ALDH1A1: variants seen among roughly 807,000 people sequenced by gnomAD.
ALDH1A1 encodes the protein aldehyde dehydrogenase 1A1.
Under a neutral mutation model 62.1 loss-of-function variants are expected in ALDH1A1, and 19 were observed. The ratio of observed to expected loss-of-function variants is 0.31; its 90% confidence interval spans 0.21 to 0.45. The LOEUF is 0.45. ALDH1A1 is among the 20% of genes least tolerant of loss of function. ALDH1A1 has a pLI of 1.00. For synonymous variants in ALDH1A1, 231 were observed against 215.9 expected (o/e 1.07, Z -0.61); for missense variants, 521 against 607.1 (o/e 0.86, Z 1.49).
chr9:72,949,391 T>C (rs1830510994), intron 1 of ALDH1A1, among the ~76,000 whole-genome samples: 1 of 151,566 alleles, frequency 6.6e-6, no homozygotes, highest in Admixed American at 6.6e-5. Flanking sequence ...TGTCCCAGAG[T>C]AGTGGAATTG....
chr9:72,912,150 A>G, intron 9 of ALDH1A1, 28 bp from the exon 10 acceptor site: 1 of 1,592,308 alleles, frequency 6.3e-7, no homozygotes, highest in East Asian at 2.2e-5. Flanking sequence ...CATGAAAAGA[A>G]AAAAAGTAGT....
chr9:72,934,482 C>T (rs1830322980), intron 2 of ALDH1A1, among the ~76,000 whole-genome samples: 1 of 152,150 alleles, frequency 6.6e-6, no homozygotes, highest in Non-Finnish European at 1.5e-5. Flanking sequence ...GTTTTCAAGG[C>T]CCAGGATTTT....
At position 72,912,051 on chromosome 9, in the gene ALDH1A1, TTC is replaced by T; in HGVS notation, c.1105_1106del (p.Glu369MetfsTer9). ...ESGKKEGAKL[E>X]CGGGPWGNKG... ...TATTCCCCCACGGGCCTCCTCCACA[TTC>T]CAGTTTGGCCCCTTCTTTCTTCCCA... On this transcript the variant is annotated frameshift_variant, in exon 10 of 13. Coordinates refer to ENST00000297785, the MANE Select transcript of ALDH1A1 (RefSeq NM_000689.5). LOFTEE classifies it high-confidence loss of function. 1 of 1,613,922 alleles carries T rather than the reference TTC, an allele frequency of 6.2e-7. No homozygotes were observed. Among genetic ancestry groups the T allele is most frequent in the Non-Finnish European group, 8.5e-7 (1 of 1,179,852 alleles).
chr9:72,912,196 C>G (rs1830000970), intron 9 of ALDH1A1, 74 bp from the exon 10 acceptor site: 1 of 1,308,182 alleles, frequency 7.6e-7, no homozygotes, highest in South Asian at 1.4e-5. Context: ...GGCCTGTTAA[C>G]AAGGGCTTCA....
chr9:72,926,936 G>T, intron 5 of ALDH1A1, 180 bp downstream of exon 5: 1 of 488,212 alleles, frequency 2.0e-6, no homozygotes, highest in Non-Finnish European at 3.7e-6. Flanking sequence ...ATAGGTTTTC[G>T]GACTACCTAA....
chr9:72,926,316 A>T (rs372893104), intron 5 of ALDH1A1, among the ~76,000 whole-genome samples: 1 of 152,228 alleles, frequency 6.6e-6, no homozygotes, highest in Non-Finnish European at 1.5e-5. Flanking sequence ...TTATCGATTT[A>T]TTGGGACTTT....
At chr9:72,935,638 G>A (rs1157611928) in intron 2 of ALDH1A1, among the ~76,000 whole-genome samples, 1 of 152,118 alleles carries the variant, frequency 6.6e-6, no homozygotes, top group African/African-American at 2.4e-5. Context: ...AGTCAATATA[G>A]CCTAAAAGAA....
rs8187935 is a variant in ALDH1A1 at position 72,923,923 on chromosome 9, T to C, written c.747+96A>G. 8,141 of 793,864 alleles carry C rather than the reference T, an allele frequency of 0.01. 440 individuals are homozygous for C. In the African/African-American group the frequency reaches 0.12, roughly 12 times the overall value. 49.2% of individuals were successfully genotyped at this position (793,864 alleles called of 1,614,324 possible). On this transcript the variant is annotated intron_variant, in intron 7 of 12. Transcript: ENST00000297785. Reference sequence around the variant, plus strand: ...AACAAATCATTAAAAAGAGTTTTTGTTTTAAAATTGTTGGCTCAAAAATAG... The same window carrying C: ...AACAAATCATTAAAAAGAGTTTTTGCTTTAAAATTGTTGGCTCAAAAATAG...
intron 9 of ALDH1A1, among the ~76,000 whole-genome samples, chr9:72,916,648 CA>C (rs1830068267): frequency 6.6e-6 from 1 of 151,988 alleles, no homozygotes; most frequent in Admixed American, 6.6e-5. Flanking sequence ...TGAGGAAAGC[CA>C]AAAATGTAGA....
chr9:72,934,216 G>T (rs533604845), intron 2 of ALDH1A1, among the ~76,000 whole-genome samples: 2 of 152,210 alleles, frequency 1.3e-5, no homozygotes, highest in African/African-American at 4.8e-5. Flanking sequence ...AGGGATTATA[G>T]GTGTGTATTG....
Position 72,933,119 on chromosome 9 carries a change from T to C in ALDH1A1, c.172-2100A>G, listed in dbSNP as rs146758119. 8.8e-4 allele frequency among the ~76,000 whole-genome samples: 134 copies of C among 152,306 alleles called. 2 individuals carry two copies. The East Asian group carries it at 0.025, about 28-fold the overall frequency. ...TTGCAGATGCAGAAATACAGTAATGTTAGTTAATATATAGTTTGATATGAA... is the reference window on the plus strand; with the variant it reads ...TTGCAGATGCAGAAATACAGTAATGCTAGTTAATATATAGTTTGATATGAA... On this transcript the variant is annotated intron_variant, in intron 2 of 12. Coordinates refer to ENST00000297785, the MANE Select transcript of ALDH1A1 (RefSeq NM_000689.5).
chr9:72,901,168 CT>C lies in ALDH1A1; in HGVS notation c.*39del. The stretch of plus-strand genomic sequence containing the variant: ...CTATATTAGTGACTGTAAGGAGATG[CT>C]TAGCTATTGAAGAGCTTCTCTCCAC... On this transcript the variant is annotated 3_prime_UTR_variant, in exon 13 of 13. Transcript: ENST00000297785. The C allele has an allele frequency of 6.9e-7, 1 of 1,454,384 alleles. No homozygotes were observed. The allele number at this position is 1,454,384 out of a possible 1,614,324, so 90.1% of individuals were successfully genotyped here.
At chr9:72,929,050 A>C in intron 3 of ALDH1A1, 29 bp from the exon 4 acceptor site, 1 of 1,487,394 alleles carries the variant, frequency 6.7e-7, no homozygotes, top group East Asian at 2.5e-5. Flanking sequence ...ACCAAATCTA[A>C]AATTCCATAA....
At chr9:72,920,860 C>T (rs1042686282) in intron 7 of ALDH1A1, among the ~76,000 whole-genome samples, 1 of 152,184 alleles carries the variant, frequency 6.6e-6, no homozygotes, top group Non-Finnish European at 1.5e-5. Context: ...TTCCATGATA[C>T]TGTGGCATTG....
intron 12 of ALDH1A1, among the ~76,000 whole-genome samples, chr9:72,903,488 C>T (rs138501779): frequency 1.6e-4 from 24 of 151,936 alleles, no homozygotes; most frequent in African/African-American, 4.1e-4. Flanking sequence ...TTGAGGTTAT[C>T]GCCTGAGTAA....
At chr9:72,903,761 C>T (rs772290615) in intron 12 of ALDH1A1, among the ~76,000 whole-genome samples, 5 of 151,896 alleles carry the variant, frequency 3.3e-5, no homozygotes, top group Non-Finnish European at 5.9e-5. Flanking sequence ...AAAGTCTGAC[C>T]AAATTATGTT....
chr9:72,947,804 G>A lies in ALDH1A1; in HGVS notation c.66+5131C>T, dbSNP rs185028224. On this transcript the variant is annotated intron_variant, in intron 1 of 12. Coordinates refer to ENST00000297785, the MANE Select transcript of ALDH1A1 (RefSeq NM_000689.5). ...ATGATCTCTGAGCTCGGGCTCCTCA[G>A]CTTTGAAATGGGACTCTGCTAACAT... Among the ~76,000 whole-genome samples, 262 of 151,988 alleles carry A rather than the reference G, an allele frequency of 1.7e-3. 1 individual carries two copies. The highest frequency in any genetic ancestry group is 5.9e-3 in the African/African-American group (245 of 41,506).
At chr9:72,911,719 A>C (rs1422150008) in intron 10 of ALDH1A1, among the ~76,000 whole-genome samples, 2 of 152,218 alleles carry the variant, frequency 1.3e-5, no homozygotes, top group African/African-American at 4.8e-5. Flanking sequence ...GCAGCACCTG[A>C]AAATTGTTAA....
Position 72,906,039 on chromosome 9 carries a change from G to A in ALDH1A1, c.1359-7C>T. ...CACGCCATAGCAATTCACCCTGAAG[G>A]AAAAGAAAAGTGCATTATAGACAAT... On this transcript the variant is annotated splice_region_variant and splice_polypyrimidine_tract_variant and intron_variant, in intron 11 of 12. Coordinates refer to ENST00000297785, the MANE Select transcript of ALDH1A1 (RefSeq NM_000689.5). 6.2e-7 allele frequency: 1 copy of A among 1,604,434 alleles called. No homozygotes were observed. The highest frequency in any genetic ancestry group is 8.5e-7 in the Non-Finnish European group (1 of 1,173,936).
Sources: gnomAD v4.1 joint callset for allele counts (sites outside exome capture counted in the v4.1 genomes callset) on GRCh38, gnomAD v4.1.1 for gene constraint, MANE v1.5 for transcripts, NCBI Gene and HGNC (gene_info 2026-07-23, HGNC 2026-07-21) for gene names.